RASGEF1A: variants seen among roughly 807,000 people sequenced by gnomAD.
RASGEF1A encodes ras-GEF domain-containing family member 1A.
In RASGEF1A, 18 loss-of-function variants were observed where a neutral mutation model predicts 56.4. The observed-to-expected ratio is 0.32, with a 90% CI of 0.22 to 0.47. The LOEUF (loss-of-function observed/expected upper bound fraction) is 0.47. Ranked by LOEUF, RASGEF1A falls within the 20% of genes least tolerant of loss-of-function variation. RASGEF1A has a pLI of 1.00. For missense variants in RASGEF1A, 422 were observed against 627.1 expected (o/e 0.67, Z 3.49); for synonymous variants, 245 against 242.6 (o/e 1.01, Z -0.09).
intron 1 of RASGEF1A, among the ~76,000 whole-genome samples, chr10:43,241,822 G>A (rs1418098891): frequency 2.0e-5 from 3 of 152,100 alleles, no homozygotes; most frequent in African/African-American, 7.2e-5. Flanking sequence ...CCACTTTAGA[G>A]AGAAGAACAC....
chr10:43,197,216 A>C, intron 10 of RASGEF1A, 117 bp from the exon 11 acceptor site: 1 of 1,222,394 alleles, frequency 8.2e-7, no homozygotes. Flanking sequence ...GGTCCCAGCA[A>C]GATGGGACAG....
At chr10:43,212,275 G>C (rs528924381) in intron 1 of RASGEF1A, among the ~76,000 whole-genome samples, 4 of 152,226 alleles carry the variant, frequency 2.6e-5, no homozygotes. Context: ...TGCTGCCCGG[G>C]ACTGTGCTTC....
chr10:43,244,382 T>C (rs569070948), intron 1 of RASGEF1A, among the ~76,000 whole-genome samples: 1 of 111,468 alleles, frequency 9.0e-6, no homozygotes, highest in South Asian at 3.6e-4. Flanking sequence ...GAATGATCAA[T>C]AAATACTAAA....
rs149412764 is a variant in RASGEF1A, at chr10:43,208,334, G to A, written c.-6-2212C>T. On this transcript the variant is annotated intron_variant, in intron 1 of 12. Coordinates refer to ENST00000395810, the MANE Select transcript of RASGEF1A (RefSeq NM_145313.4). The stretch of plus-strand genomic sequence containing the variant: ...TGCACTCTGACACCCCACAAACTCA[G>A]CCCCAGCCGATCCCCCACAGGGCAA... The A allele has an allele frequency of 4.1e-6, 4 of 985,952 alleles. No homozygotes were observed. The African/African-American group carries it at 7.0e-5, about 17-fold the overall frequency. The allele number at this position is 985,952 out of a possible 1,614,324, so 61.1% of individuals were successfully genotyped here.
intron 1 of RASGEF1A, among the ~76,000 whole-genome samples, chr10:43,241,614 T>A (rs1444875137): frequency 6.6e-6 from 1 of 151,848 alleles, no homozygotes. Flanking sequence ...TATCTAAATA[T>A]CTATTTAACA....
intron 1 of RASGEF1A, among the ~76,000 whole-genome samples, chr10:43,233,280 C>T (rs1840394277): frequency 6.6e-6 from 1 of 152,234 alleles, no homozygotes; most frequent in East Asian, 1.9e-4. Context: ...TGCACAGAGG[C>T]ACTCAGAACC....
intron 1 of RASGEF1A, among the ~76,000 whole-genome samples, chr10:43,241,860 G>A (rs575598197): frequency 2.1e-3 from 314 of 152,280 alleles, no homozygotes; most frequent in Non-Finnish European, 3.1e-3. Context: ...AAATATGGCC[G>A]GATGCAGAGG....
At chr10:43,201,688 T>C in intron 4 of RASGEF1A, 120 bp downstream of exon 4, 2 of 1,138,970 alleles carry the variant, frequency 1.8e-6, no homozygotes, top group Non-Finnish European at 2.3e-6. Flanking sequence ...CCAGCAACCC[T>C]CCTGGGGGAG....
At chr10:43,244,742 A>G (rs2900653) in intron 1 of RASGEF1A, among the ~76,000 whole-genome samples, 3,211 of 152,320 alleles carry the variant, frequency 0.021, 123 homozygotes, top group African/African-American at 0.074. Flanking sequence ...AATTTACTTA[A>G]GTAAAAATAC....
At chr10:43,238,103 A>AG (rs370714365) in intron 1 of RASGEF1A, among the ~76,000 whole-genome samples, 26 of 54,428 alleles carry the variant, frequency 4.8e-4, no homozygotes, top group South Asian at 3.4e-3. Context: ...GGGCGGAGGG[A>AG]GGGGGGGTGC....
intron 1 of RASGEF1A, among the ~76,000 whole-genome samples, chr10:43,242,698 G>T (rs945328997): frequency 6.6e-6 from 1 of 152,134 alleles, no homozygotes; most frequent in Non-Finnish European, 1.5e-5. Flanking sequence ...ACTCTTGACT[G>T]GTTTTTGTAT....
At chr10:43,227,828 G>T (rs1158345437) in intron 1 of RASGEF1A, among the ~76,000 whole-genome samples, 1 of 152,030 alleles carries the variant, frequency 6.6e-6, no homozygotes, top group African/African-American at 2.4e-5. Flanking sequence ...TCCTTCCTGC[G>T]CCAGCCTGAC....
rs545899826 is a variant in RASGEF1A at position 43,257,108 on chromosome 10, A to G, written c.-7+9737T>C. 3.4e-4 allele frequency among the ~76,000 whole-genome samples: 52 copies of G among 152,192 alleles called. No individual in the cohort carries two copies. The South Asian group carries it at 7.1e-3, about 21-fold the overall frequency. On this transcript the variant is annotated intron_variant, in intron 1 of 12. Transcript: ENST00000395810. ...CCCCAGGTCAACTTTCCACTCTCCA[A>G]TGGTTCTGCCTGAGTCCATCTCTCA...
At chr10:43,228,792 A>G (rs1419649676) in intron 1 of RASGEF1A, among the ~76,000 whole-genome samples, 1 of 152,196 alleles carries the variant, frequency 6.6e-6, no homozygotes, top group Non-Finnish European at 1.5e-5. Context: ...CGTGAGGACA[A>G]CACTCTCCGT....
intron 1 of RASGEF1A, among the ~76,000 whole-genome samples, chr10:43,217,813 TC>T (rs1769885713): frequency 6.6e-6 from 1 of 152,112 alleles, no homozygotes; most frequent in Non-Finnish European, 1.5e-5. Flanking sequence ...GGAAGGGTTC[TC>T]CCCCAACCAC....
rs994567761 is a variant in RASGEF1A, at chr10:43,196,846, G to A, written c.1348+130C>T. 51 of 1,163,588 alleles carry A rather than the reference G, an allele frequency of 4.4e-5. No individual in the cohort carries two copies. The highest frequency in any genetic ancestry group is 7.1e-5 in the Admixed American group (3 of 42,486). The allele number at this position is 1,163,588 out of a possible 1,614,324, so 72.1% of individuals were successfully genotyped here. The stretch of plus-strand genomic sequence containing the variant: ...CACCCTCATGCACACTCGCCCCTGC[G>A]AGCAGAGCCAGCCCTGTGTGGCATG... On this transcript the variant is annotated intron_variant, in intron 11 of 12. Coordinates refer to ENST00000395810, the MANE Select transcript of RASGEF1A (RefSeq NM_145313.4). The surrounding 1 kb of genome is among the most constrained non-coding windows in gnomAD (Gnocchi z 4.6).
rs1000943531 is a variant in RASGEF1A at position 43,195,374 on chromosome 10, C to G, written c.*870G>C. Reference sequence around the variant, plus strand: ...GGGAAGAGGGCTGTTGGCTGCCCTCCCCTCTGTAGATGATAGGTTTCAAGA... The same window carrying G: ...GGGAAGAGGGCTGTTGGCTGCCCTCGCCTCTGTAGATGATAGGTTTCAAGA... On this transcript the variant is annotated 3_prime_UTR_variant, in exon 13 of 13. Coordinates refer to ENST00000395810, the MANE Select transcript of RASGEF1A (RefSeq NM_145313.4). This position sits in a 1 kb window ranked among gnomAD's most constrained non-coding sequence, Gnocchi z 4.2. 2 of 152,132 alleles carry G rather than the reference C, an allele frequency of 1.3e-5. No homozygotes were observed. The highest frequency in any genetic ancestry group is 2.9e-5 in the Non-Finnish European group (2 of 68,024). 9.4% of individuals were successfully genotyped at this position (152,132 alleles called of 1,614,324 possible).
rs202024972 is a variant in RASGEF1A, at chr10:43,222,007, G to A, written c.-6-15885C>T. ...ACCTCCTGAGAAATGCATCTTAGGC[G>A]ATTTCGTCGTTGTGCAAACCCCAGA... On this transcript the variant is annotated intron_variant, in intron 1 of 12. Coordinates refer to ENST00000395810, the MANE Select transcript of RASGEF1A (RefSeq NM_145313.4). Among the ~76,000 whole-genome samples, 6 of 152,322 alleles carry A rather than the reference G, an allele frequency of 3.9e-5. No individual in the cohort carries two copies. In the East Asian group the frequency reaches 7.7e-4, roughly 20 times the overall value.
chr10:43,248,023 A>AC (rs1210217140), intron 1 of RASGEF1A, among the ~76,000 whole-genome samples: 4 of 147,614 alleles, frequency 2.7e-5, no homozygotes, highest in Admixed American at 6.9e-5. Context: ...ATATAGTAAG[A>AC]CCCCCCATTT....
Sources: allele counts gnomAD v4.1 joint callset (sites outside exome capture counted in the v4.1 genomes callset), GRCh38; gene constraint gnomAD v4.1.1; non-coding constraint Gnocchi (gnomAD v3.1); transcripts MANE v1.5; gene names NCBI Gene and HGNC (gene_info 2026-07-23, HGNC 2026-07-21).